CEP128: variants seen among roughly 807,000 people sequenced by gnomAD.
CEP128 encodes the protein centrosomal protein 128kDa.
Under a neutral mutation model 156.7 loss-of-function variants are expected in CEP128, and 132 were observed. That is an observed-to-expected ratio of 0.84 (90% CI 0.73 to 0.97). The LOEUF is 0.97. Among genes scored for constraint, CEP128 ranks in the 50% least tolerant of loss-of-function variants. CEP128 has a pLI of 0.00. For missense variants in CEP128, 1,252 were observed against 1,281.9 expected, an observed-to-expected ratio of 0.98 and a Z score of 0.36; for synonymous variants, 469 against 448.9, an observed-to-expected ratio of 1.04 and a Z score of -0.57.
chr14:80,577,456 C>T (rs937499065), intron 20 of CEP128, among the ~76,000 whole-genome samples: 2 of 152,128 alleles, frequency 1.3e-5, no homozygotes, highest in East Asian at 3.9e-4. Context: ...GTTGCCGAAT[C>T]GAGAAACACA....
chr14:80,859,397 TGGG>T (rs749239975), intron 9 of CEP128, among the ~76,000 whole-genome samples: 7,922 of 89,448 alleles, frequency 0.089, 214 homozygotes, highest in Middle Eastern at 0.16. Context: ...GGGACTGTTG[TGGG>T]GTGGGGGGAG....
intron 19 of CEP128, among the ~76,000 whole-genome samples, chr14:80,627,793 AC>A (rs1310916225): frequency 1.4e-5 from 2 of 146,548 alleles, no homozygotes; most frequent in Non-Finnish European, 3.0e-5. Flanking sequence ...TAAAAAGCCT[AC>A]TTAATGAAGT....
intron 19 of CEP128, among the ~76,000 whole-genome samples, chr14:80,680,085 G>C (rs1316211277): frequency 6.6e-6 from 1 of 152,186 alleles, no homozygotes; most frequent in Non-Finnish European, 1.5e-5. Flanking sequence ...CTGGAGCTAG[G>C]TGGGAGCCTT....
intron 13 of CEP128, among the ~76,000 whole-genome samples, chr14:80,809,589 A>C (rs1040226512): frequency 2.0e-5 from 3 of 152,204 alleles, no homozygotes; most frequent in African/African-American, 7.2e-5. Flanking sequence ...AGTGAATCAC[A>C]AAGAGGAAAT....
intron 21 of CEP128, among the ~76,000 whole-genome samples, chr14:80,557,132 C>CTT (rs1890469669): frequency 6.6e-6 from 1 of 152,028 alleles, no homozygotes; most frequent in Non-Finnish European, 1.5e-5. Flanking sequence ...TTACGGGAAC[C>CTT]TTTAGGTTAG....
chr14:80,876,580 G>A (rs550505795), intron 8 of CEP128, among the ~76,000 whole-genome samples: 31 of 143,270 alleles, frequency 2.2e-4, no homozygotes, highest in African/African-American at 8.2e-4. Flanking sequence ...CTGGGTGTCA[G>A]AGCAAGACTC....
chr14:80,906,008 C>T lies in CEP128; in HGVS notation c.308G>A (p.Ser103Asn). Reference protein sequence around the residue: ...QRLLRNSGGRSISVTSLSASD... With the variant: ...QRLLRNSGGRNISVTSLSASD... ...TGCACTCAAACTTGTAACAGAAATA[C>T]TTCTCCCTCCTGAGTTTCTCAATAA... is the stretch of plus-strand genomic sequence containing the variant. The change falls in exon 5 of 25, where the codon AGT becomes AAT. Residue 103 changes from serine (S) to asparagine (N), a missense_variant. Transcript: ENST00000555265. The T allele has an allele frequency of 6.2e-7, 1 of 1,613,338 alleles. No homozygotes were observed. Among genetic ancestry groups the T allele is most frequent in the Non-Finnish European group, 8.5e-7 (1 of 1,179,622 alleles).
At chr14:80,690,349 G>C (rs778724319) in intron 19 of CEP128, among the ~76,000 whole-genome samples, 8 of 151,508 alleles carry the variant, frequency 5.3e-5, no homozygotes, top group Middle Eastern at 3.4e-3. Context: ...CAGGAAGACG[G>C]AGGTTGCAGT....
chr14:80,559,370 T>A lies in CEP128; in HGVS notation c.2857-68A>T, dbSNP rs1367035861. 1.3e-5 allele frequency: 16 copies of A among 1,252,152 alleles called. No individual in the cohort carries two copies. In the Admixed American group the frequency reaches 3.6e-4, roughly 29 times the overall value. 77.6% of individuals were successfully genotyped at this position (1,252,152 alleles called of 1,614,324 possible). On this transcript the variant is annotated intron_variant, in intron 20 of 24. Coordinates refer to ENST00000555265, the MANE Select transcript of CEP128 (RefSeq NM_152446.5). ...TTAAAATTGTTTCAAGTTTACTTAA[T>A]TTACAAGTATTCTATTTACCATCTA...
intron 19 of CEP128, among the ~76,000 whole-genome samples, chr14:80,613,898 A>G (rs910690149): frequency 7.9e-5 from 12 of 152,192 alleles, no homozygotes; most frequent in African/African-American, 2.4e-5. Context: ...AAATATGTCT[A>G]TTTACTCACC....
At position 80,915,911 on chromosome 14, in the gene CEP128, T is replaced by C. The variant is rs182647179; in HGVS notation, c.147+490A>G. Reference sequence around the variant, plus strand: ...CTAATCCCTGCAACCTGTGTATGTATACCTTACACGGCAAAAGGGATTTTG... The same window carrying C: ...CTAATCCCTGCAACCTGTGTATGTACACCTTACACGGCAAAAGGGATTTTG... On this transcript the variant is annotated intron_variant, in intron 3 of 24. Transcript: ENST00000555265. 2.6e-5 allele frequency among the ~76,000 whole-genome samples: 4 copies of C among 152,364 alleles called. No homozygotes were observed. The East Asian group carries it at 5.8e-4, about 22-fold the overall frequency.
chr14:80,570,292 T>A (rs542732688), intron 20 of CEP128, among the ~76,000 whole-genome samples: 2 of 152,116 alleles, frequency 1.3e-5, no homozygotes, highest in African/African-American at 4.8e-5. Flanking sequence ...TAATTTTTTG[T>A]GTTTTAGTAG....
chr14:80,480,335 T>C (rs975907789), intron 14 of CEP128, among the ~76,000 whole-genome samples: 1 of 152,138 alleles, frequency 6.6e-6, no homozygotes, highest in Admixed American at 6.5e-5. Context: ...GCAGAGGTTC[T>C]CAAACCTCAA....
chr14:80,649,637 T>A (rs1894809639), intron 19 of CEP128, among the ~76,000 whole-genome samples: 1 of 152,018 alleles, frequency 6.6e-6, no homozygotes, highest in Non-Finnish European at 1.5e-5. Flanking sequence ...CTCTTAGGAA[T>A]GGGGTAAAAA....
At chr14:80,769,449 C>T (rs1243669192) in intron 16 of CEP128, among the ~76,000 whole-genome samples, 1 of 152,086 alleles carries the variant, frequency 6.6e-6, no homozygotes, top group African/African-American at 2.4e-5. Context: ...CCACGACAGG[C>T]CCCGGTGTGT....
intron 18 of CEP128, among the ~76,000 whole-genome samples, chr14:80,756,627 T>A (rs954828002): frequency 7.9e-5 from 12 of 152,196 alleles, no homozygotes; most frequent in Admixed American, 6.5e-5. Context: ...TTGTCAATGT[T>A]CACATATATC....
chr14:80,706,256 T>A (rs1016006355), intron 19 of CEP128, among the ~76,000 whole-genome samples: 2 of 152,156 alleles, frequency 1.3e-5, no homozygotes, highest in African/African-American at 4.8e-5. Flanking sequence ...TTCCATACCA[T>A]CTTTCAAGAA....
chr14:80,954,504 TC>T lies in CEP128; in HGVS notation c.-172+3673del, dbSNP rs375734560. On this transcript the variant is annotated intron_variant, in intron 2 of 7. Coordinates refer to the CEP128 transcript ENST00000555529. ...GATAAATGTATACATCCACTTAACC[TC>T]CAGCCTAATTACGATATGGAAACCC... Among the ~76,000 whole-genome samples the T allele has an allele frequency of 1.1e-3, 172 of 152,306 alleles. 2 individuals carry two copies. Among genetic ancestry groups the T allele is most frequent in the African/African-American group, 3.4e-3 (142 of 41,558 alleles).
Position 80,505,039 on chromosome 14 carries a change from A to C in CEP128, c.3073-19T>G, listed in dbSNP as rs74333779. On this transcript the variant is annotated intron_variant, in intron 23 of 24. Transcript: ENST00000555265. Reference sequence around the variant, plus strand: ...TGTCACCCTAAGGAAAAAAAGGCACAGCATTTCAATGATTACACAAGGTAT... The same window carrying C: ...TGTCACCCTAAGGAAAAAAAGGCACCGCATTTCAATGATTACACAAGGTAT... The C allele has an allele frequency of 2.4e-4, 335 of 1,368,952 alleles. 2 individuals carry two copies. In the East Asian group the frequency reaches 5.5e-3, roughly 22 times the overall value. The allele number at this position is 1,368,952 out of a possible 1,614,324, so 84.8% of individuals were successfully genotyped here. A position where few individuals can be genotyped will look rare whatever the true frequency, so the allele number is the denominator to read the frequency against.
Sources: gnomAD v4.1 joint callset for allele counts (sites outside exome capture counted in the v4.1 genomes callset) on GRCh38, gnomAD v4.1.1 for gene constraint, MANE v1.5 for transcripts, NCBI Gene and HGNC (gene_info 2026-07-23, HGNC 2026-07-21) for gene names.